Variants in ADAMTSL1 observed in about 807,000 individuals in gnomAD.
ADAMTSL1 encodes ADAMTS-like protein 1.
Under a neutral mutation model 201.8 loss-of-function variants are expected in ADAMTSL1, and 126 were observed. That is an observed-to-expected ratio of 0.62 (90% CI 0.54 to 0.72). ADAMTSL1 has a LOEUF of 0.72. Ranked by LOEUF, ADAMTSL1 falls within the 30% of genes least tolerant of loss-of-function variation. ADAMTSL1 has a pLI of 0.00. For synonymous variants in ADAMTSL1, 1,121 were observed against 903.4 expected, an observed-to-expected ratio of 1.24 and a Z score of -4.32; for missense variants, 2,679 against 2,277.8, an observed-to-expected ratio of 1.18 and a Z score of -3.59.
At chr9:18,840,974 A>G (rs1316583730) in intron 23 of ADAMTSL1, among the ~76,000 whole-genome samples, 4 of 147,098 alleles carry the variant, frequency 2.7e-5, no homozygotes, top group Non-Finnish European at 4.5e-5. Context: ...CAATCATGTC[A>G]TCTGCAAACA....
At chr9:18,518,262 C>T (rs564022338) in intron 2 of ADAMTSL1, among the ~76,000 whole-genome samples, 5 of 152,234 alleles carry the variant, frequency 3.3e-5, no homozygotes, top group African/African-American at 9.6e-5. Flanking sequence ...TATTGAACGT[C>T]GTACTCAATA....
chr9:18,708,528 G>C (rs1396334038), intron 14 of ADAMTSL1, among the ~76,000 whole-genome samples: 2 of 152,222 alleles, frequency 1.3e-5, no homozygotes, highest in South Asian at 2.1e-4. Context: ...CTTAATGAGA[G>C]AGAAGTGTTA....
chr9:17,976,171 T>G (rs1427996179), intron 1 of ADAMTSL1, among the ~76,000 whole-genome samples: 1 of 152,144 alleles, frequency 6.6e-6, no homozygotes, highest in African/African-American at 2.4e-5. Context: ...GCTTCCAGCT[T>G]TGTTCTTGTT....
intron 19 of ADAMTSL1, among the ~76,000 whole-genome samples, chr9:18,778,236 C>G (rs749819419): frequency 5.9e-5 from 9 of 152,154 alleles, no homozygotes; most frequent in Admixed American, 2.6e-4. Flanking sequence ...CATTCCAGGC[C>G]AAGGCATTAT....
At chr9:17,926,362 G>T (rs1359851199) in intron 1 of ADAMTSL1, among the ~76,000 whole-genome samples, 1 of 152,054 alleles carries the variant, frequency 6.6e-6, no homozygotes, top group Non-Finnish European at 1.5e-5. Flanking sequence ...CCCAAAACAC[G>T]ATGGTTTAAC....
chr9:18,017,754 C>T (rs1290566265), intron 1 of ADAMTSL1, among the ~76,000 whole-genome samples: 2 of 151,952 alleles, frequency 1.3e-5, no homozygotes, highest in Non-Finnish European at 2.9e-5. Context: ...TCCCAAATTC[C>T]ACCCTAGTTT....
chr9:17,981,620 A>G (rs1462348157), intron 1 of ADAMTSL1, among the ~76,000 whole-genome samples: 1 of 152,210 alleles, frequency 6.6e-6, no homozygotes, highest in Non-Finnish European at 1.5e-5. Context: ...TTCTTCTGCC[A>G]GGCACCTGAG....
At chr9:17,972,320 CAA>C (rs1348412274) in intron 1 of ADAMTSL1, among the ~76,000 whole-genome samples, 45,613 of 70,154 alleles carry the variant, frequency 0.65, 16,584 homozygotes, top group East Asian at 0.79. Context: ...CCCCTCCCCC[CAA>C]GCTACAACAG....
intron 23 of ADAMTSL1, among the ~76,000 whole-genome samples, chr9:18,836,108 T>G (rs1481000902): frequency 6.6e-6 from 1 of 152,194 alleles, no homozygotes; most frequent in Non-Finnish European, 1.5e-5. Flanking sequence ...GCTAAACTAA[T>G]TTACAGTCCC....
intron 13 of ADAMTSL1, among the ~76,000 whole-genome samples, chr9:18,697,176 C>T (rs940556678): frequency 6.6e-6 from 1 of 152,208 alleles, no homozygotes; most frequent in Non-Finnish European, 1.5e-5. Context: ...GCCACCGTGC[C>T]TGGCCAAAAA....
chr9:18,291,846 C>A (rs1325558187), intron 2 of ADAMTSL1, among the ~76,000 whole-genome samples: 4 of 151,894 alleles, frequency 2.6e-5, no homozygotes, highest in Admixed American at 2.6e-4. Context: ...CCTCTAGACA[C>A]TAAGAATGCC....
At chr9:18,797,478 G>A (rs925450437) in intron 20 of ADAMTSL1, among the ~76,000 whole-genome samples, 3 of 152,212 alleles carry the variant, frequency 2.0e-5, no homozygotes, top group African/African-American at 7.2e-5. Context: ...GATGCTTACA[G>A]AGGAGTGAAG....
At chr9:18,099,355 A>ATATATATATATATT (rs1239180390) in intron 1 of ADAMTSL1, among the ~76,000 whole-genome samples, 3 of 45,560 alleles carry the variant, frequency 6.6e-5, no homozygotes, top group Non-Finnish European at 1.2e-4. Context: ...ATATATATAT[A>ATATATATATATATT]TTTTTTTTTT....
chr9:17,946,803 G>A (rs1277796382), intron 1 of ADAMTSL1, among the ~76,000 whole-genome samples: 1 of 152,078 alleles, frequency 6.6e-6, no homozygotes, highest in Non-Finnish European at 1.5e-5. Flanking sequence ...ATAAGCTGTG[G>A]TTTCATAATT....
intron 1 of ADAMTSL1, among the ~76,000 whole-genome samples, chr9:18,080,352 T>C (rs1823441503): frequency 6.6e-6 from 1 of 151,996 alleles, no homozygotes. Flanking sequence ...GGTACAGAAG[T>C]GGAAAGGGTG....
At chr9:17,946,311 T>C (rs1344724694) in intron 1 of ADAMTSL1, among the ~76,000 whole-genome samples, 1 of 152,006 alleles carries the variant, frequency 6.6e-6, no homozygotes, top group Non-Finnish European at 1.5e-5. Flanking sequence ...CCTTAATATT[T>C]TTGAAAGAAA....
chr9:18,680,617 T>C, intron 11 of ADAMTSL1, 101 bp downstream of exon 11: 3 of 1,329,732 alleles, frequency 2.3e-6, no homozygotes, highest in Non-Finnish European at 3.2e-6. Flanking sequence ...CACACTCTTC[T>C]TGAGGTGTCT....
intron 7 of ADAMTSL1, among the ~76,000 whole-genome samples, chr9:18,642,711 A>G (rs1220784000): frequency 6.6e-6 from 1 of 151,890 alleles, no homozygotes; most frequent in African/African-American, 2.4e-5. Context: ...AGCTTATTTC[A>G]TTTAACATAA....
chr9:18,128,214 G>A (rs531228585), intron 1 of ADAMTSL1, among the ~76,000 whole-genome samples: 63 of 152,238 alleles, frequency 4.1e-4, no homozygotes, highest in African/African-American at 1.5e-3. Flanking sequence ...CATGGGATCT[G>A]GTAATAGATA....
Sources: gnomAD v4.1 joint callset for allele counts (sites outside exome capture counted in the v4.1 genomes callset) on GRCh38, gnomAD v4.1.1 for gene constraint, MANE v1.5 for transcripts, NCBI Gene and HGNC (gene_info 2026-07-23, HGNC 2026-07-21) for gene names.